Variants in GRIK4 observed in about 807,000 individuals in gnomAD.
GRIK4 encodes the protein glutamate receptor ionotropic, kainate 4.
In GRIK4, 40 loss-of-function variants were observed where a neutral mutation model predicts 104.9. The ratio of observed to expected loss-of-function variants is 0.38; its 90% CI spans 0.30 to 0.50. The LOEUF is 0.50. Ranked by LOEUF, GRIK4 falls within the 20% of genes least tolerant of loss-of-function variation. GRIK4 has a pLI of 0.93. For missense variants in GRIK4, 1,047 were observed against 1,308.1 expected, an observed-to-expected ratio of 0.80 and a Z score of 3.08; for synonymous variants, 485 against 524.9, an observed-to-expected ratio of 0.92 and a Z score of 1.04.
At chr11:120,962,400 A>T (rs958344454) in intron 17 of GRIK4, 56 bp from the exon 18 acceptor site, 14 of 1,246,958 alleles carry the variant, frequency 1.1e-5, no homozygotes, top group Non-Finnish European at 1.6e-5. Flanking sequence ...CTCTCTTTTT[A>T]AGCCAACGTT....
chr11:120,517,172 C>T (rs937704669), intron 1 of GRIK4, among the ~76,000 whole-genome samples: 3 of 149,200 alleles, frequency 2.0e-5, no homozygotes, highest in African/African-American at 5.1e-5. Context: ...GGGCCTTGTC[C>T]GCTTTGTTCA....
intron 8 of GRIK4, among the ~76,000 whole-genome samples, chr11:120,842,379 C>T (rs902926074): frequency 6.6e-6 from 1 of 152,212 alleles, no homozygotes; most frequent in Non-Finnish European, 1.5e-5. Context: ...TTTCAGCTCA[C>T]AATTCCATTG....
intron 13 of GRIK4, among the ~76,000 whole-genome samples, chr11:120,920,087 C>A (rs1943194586): frequency 6.6e-6 from 1 of 152,022 alleles, no homozygotes; most frequent in South Asian, 2.1e-4. Context: ...GCCTTCCATC[C>A]CGACTGGACA....
Position 120,824,524 on chromosome 11 carries a change from AT to A in GRIK4, c.511+4612del, listed in dbSNP as rs1409369426. On this transcript the variant is annotated intron_variant, in intron 6 of 20. Coordinates refer to ENST00000527524, the MANE Select transcript of GRIK4 (RefSeq NM_014619.5). ...TATCTTCCTACATGTCTCAAATCTT[AT>A]TTTTTTTCCTTCTTTTTTTTTTCTT... Among the ~76,000 whole-genome samples, 6 of 114,630 alleles carry A rather than the reference AT, an allele frequency of 5.2e-5. No individual in the cohort carries two copies. The South Asian group carries it at 8.8e-4, about 17-fold the overall frequency. 75.2% of individuals were successfully genotyped at this position (114,630 alleles called of 152,430 possible).
At chr11:120,694,030 T>C (rs1348800135) in intron 3 of GRIK4, among the ~76,000 whole-genome samples, 1 of 152,152 alleles carries the variant, frequency 6.6e-6, no homozygotes, top group African/African-American at 2.4e-5. Context: ...GGTGACTAGG[T>C]GGGCCACCAA....
At chr11:120,698,819 G>A (rs17245664) in intron 3 of GRIK4, among the ~76,000 whole-genome samples, 45,939 of 152,068 alleles carry the variant, frequency 0.3, 7,144 homozygotes, top group East Asian at 0.34. Flanking sequence ...GCATAACACA[G>A]ATCTTAGGAG....
intron 3 of GRIK4, among the ~76,000 whole-genome samples, chr11:120,698,506 T>A (rs535783015): frequency 1.3e-5 from 2 of 152,360 alleles, no homozygotes; most frequent in South Asian, 4.1e-4. Flanking sequence ...ATTAATGAGA[T>A]GCAGTATCTT....
At chr11:120,673,326 T>TA (rs1950050311) in intron 3 of GRIK4, among the ~76,000 whole-genome samples, 1 of 152,166 alleles carries the variant, frequency 6.6e-6, no homozygotes, top group Non-Finnish European at 1.5e-5. Flanking sequence ...GCTTTACATT[T>TA]GAAAGCTTTT....
intron 3 of GRIK4, among the ~76,000 whole-genome samples, chr11:120,673,970 C>G (rs1167290618): frequency 6.6e-6 from 1 of 152,220 alleles, no homozygotes; most frequent in African/African-American, 2.4e-5. Flanking sequence ...CTCTATCTCT[C>G]TGTGCCTACC....
rs138736959 is a variant in GRIK4 at position 120,699,176 on chromosome 11, G to A, written c.82+38776G>A. Among the ~76,000 whole-genome samples, 566 of 152,138 alleles carry A rather than the reference G, an allele frequency of 3.7e-3. 14 individuals are homozygous for A. The highest frequency in any genetic ancestry group is 9.1e-4 in the Non-Finnish European group (62 of 68,012). ...GAGCCTCTGGCCCAGGTGGCAAGGC[G>A]AGGCCAGCACACTGCCCACCTACCT... is the stretch of plus-strand genomic sequence containing the variant. On this transcript the variant is annotated intron_variant, in intron 3 of 20. Coordinates refer to ENST00000527524, the MANE Select transcript of GRIK4 (RefSeq NM_014619.5).
intron 19 of GRIK4, among the ~76,000 whole-genome samples, chr11:120,981,719 T>C (rs1341122536): frequency 2.6e-5 from 4 of 152,126 alleles, no homozygotes; most frequent in Admixed American, 1.3e-4. Context: ...GAAGATTGAG[T>C]AAAACTTTAA....
chr11:120,919,492 A>G (rs1943181298), intron 13 of GRIK4, among the ~76,000 whole-genome samples: 1 of 152,198 alleles, frequency 6.6e-6, no homozygotes, highest in Admixed American at 6.5e-5. Context: ...CAGAATCCCA[A>G]TTCTGGGGCC....
chr11:120,722,654 C>T (rs554876038), intron 3 of GRIK4, among the ~76,000 whole-genome samples: 1 of 152,092 alleles, frequency 6.6e-6, no homozygotes, highest in East Asian at 1.9e-4. Context: ...AAAGAGACAT[C>T]TTGATGCAGT....
intron 9 of GRIK4, chr11:120,872,030 T>A (rs1345567854): frequency 2.5e-6 from 1 of 404,518 alleles, no homozygotes; most frequent in East Asian, 7.1e-5. Context: ...TAGCCCCCTG[T>A]CCTTACCACT....
At chr11:120,957,365 A>G (rs1171089886) in intron 16 of GRIK4, among the ~76,000 whole-genome samples, 1 of 152,218 alleles carries the variant, frequency 6.6e-6, no homozygotes, top group African/African-American at 2.4e-5. Context: ...GCTACATCAC[A>G]TCCCCTCTAC....
chr11:120,912,372 G>C (rs2134535381), intron 13 of GRIK4, among the ~76,000 whole-genome samples: 1 of 152,330 alleles, frequency 6.6e-6, no homozygotes, highest in East Asian at 1.9e-4. Context: ...GAATGGATGG[G>C]TGGGTGCAAC....
chr11:120,774,903 A>G (rs957333991), intron 3 of GRIK4, among the ~76,000 whole-genome samples: 2 of 152,218 alleles, frequency 1.3e-5, no homozygotes, highest in Non-Finnish European at 2.9e-5. Context: ...CCTAAATGAC[A>G]GCAGAGGGCC....
chr11:120,754,362 T>A (rs1204890168), intron 3 of GRIK4, among the ~76,000 whole-genome samples: 1 of 152,224 alleles, frequency 6.6e-6, no homozygotes, highest in Non-Finnish European at 1.5e-5. Flanking sequence ...CTTTTGTGTC[T>A]GGCATTCTTC....
intron 1 of GRIK4, among the ~76,000 whole-genome samples, chr11:120,581,501 A>C (rs1346292476): frequency 6.6e-6 from 1 of 152,200 alleles, no homozygotes; most frequent in Non-Finnish European, 1.5e-5. Flanking sequence ...TTGTGCAATC[A>C]GTCTCTAGAG....
Sources: allele counts gnomAD v4.1 joint callset (sites outside exome capture counted in the v4.1 genomes callset), GRCh38; gene constraint gnomAD v4.1.1; transcripts MANE v1.5; gene names NCBI Gene and HGNC (gene_info 2026-07-23, HGNC 2026-07-21).